The following OR9Q1 variants were observed in gnomAD, a reference collection of about 807,000 sequenced individuals.
OR9Q1 encodes the protein olfactory receptor 9Q1.
For missense variants in OR9Q1, 374 were observed against 378.8 expected (o/e 0.99, Z 0.11); for synonymous variants, 153 against 148.6 (o/e 1.03, Z -0.22).
chr11:58,172,221 C>G (rs988910497), intron 2 of OR9Q1, among the ~76,000 whole-genome samples: 1 of 152,178 alleles, frequency 6.6e-6, no homozygotes, highest in African/African-American at 2.4e-5. Context: ...AAATGCATGG[C>G]ATATTCCCTG....
chr11:58,113,531 A>T (rs1292516100), intron 2 of OR9Q1, among the ~76,000 whole-genome samples: 2 of 152,172 alleles, frequency 1.3e-5, no homozygotes, highest in African/African-American at 4.8e-5. Flanking sequence ...TTATCTTCTC[A>T]AAAGGTTCTT....
In OR9Q1 at chr11:58,085,086, G is replaced by A. The variant is rs76882513; in HGVS notation, c.-15+29139G>A. Among the ~76,000 whole-genome samples the A allele has an allele frequency of 7.2e-4, 110 of 151,952 alleles. 3 individuals carry two copies. Among genetic ancestry groups the A allele is most frequent in the African/African-American group, 2.6e-3 (106 of 41,272 alleles). On this transcript the variant is annotated intron_variant, in intron 2 of 2. Transcript: ENST00000335397. ...AATAAAACAATGTAAGTCCATGTAC[G>A]TTAAAGCAAATCACCTTGTATTGAT...
intron 2 of OR9Q1, among the ~76,000 whole-genome samples, chr11:58,140,032 G>T (rs1032080455): frequency 3.3e-5 from 5 of 152,010 alleles, no homozygotes; most frequent in Non-Finnish European, 7.4e-5. Context: ...TTCTCTGATG[G>T]CCAATGATGA....
chr11:58,075,460 T>C (rs1853530664), intron 2 of OR9Q1: 1 of 152,206 alleles, frequency 6.6e-6, no homozygotes. Context: ...AATCCATACA[T>C]TGAAACCTGA....
chr11:58,176,407 C>A (rs928171870), intron 2 of OR9Q1, among the ~76,000 whole-genome samples: 5 of 152,138 alleles, frequency 3.3e-5, no homozygotes, highest in Admixed American at 3.3e-4. Context: ...ATTGCCTTTC[C>A]TTAGAGAACA....
chr11:58,076,426 GCT>G (rs1285044805), intron 2 of OR9Q1, among the ~76,000 whole-genome samples: 1 of 152,108 alleles, frequency 6.6e-6, no homozygotes, highest in Non-Finnish European at 1.5e-5. Context: ...TTCCTGGCTA[GCT>G]GTCAGCCAGG....
At chr11:58,170,858 A>ATGTCTTTATCAGCAGCATGAAAG (rs2119947404) in intron 2 of OR9Q1, among the ~76,000 whole-genome samples, 1 of 152,274 alleles carries the variant, frequency 6.6e-6, no homozygotes, top group South Asian at 2.1e-4. Context: ...GGTCTTAGGT[A>ATGTCTTTATCAGCAGCATGAAAG]TGTCTTTATC....
chr11:58,154,131 G>A (rs1854381695), intron 2 of OR9Q1, among the ~76,000 whole-genome samples: 1 of 150,680 alleles, frequency 6.6e-6, no homozygotes, highest in Admixed American at 6.6e-5. Flanking sequence ...AGGAGGAGGA[G>A]GAGGAAGTTG....
At chr11:58,054,697 C>T (rs993005961) in intron 1 of OR9Q1, among the ~76,000 whole-genome samples, 3 of 111,406 alleles carry the variant, frequency 2.7e-5, no homozygotes, top group Admixed American at 1.1e-4. Flanking sequence ...CCGAGGTGGG[C>T]GGATCACTTG....
chr11:58,064,913 C>G (rs896988614), intron 2 of OR9Q1, among the ~76,000 whole-genome samples: 1 of 151,918 alleles, frequency 6.6e-6, no homozygotes, highest in African/African-American at 2.4e-5. Flanking sequence ...GATTTAGACA[C>G]ATACACACAC....
In OR9Q1 at chr11:58,102,192, GGTAA is replaced by G. The variant is rs775467158; in HGVS notation, c.-15+46248_-15+46251del. Among the ~76,000 whole-genome samples, 10 of 151,924 alleles carry G rather than the reference GGTAA, an allele frequency of 6.6e-5. No homozygotes were observed. In the South Asian group the frequency reaches 2.1e-3, roughly 31 times the overall value. ...TTCATTTACATTCAAGCTTACTATT[GGTAA>G]GTGAGGACTTCTGTCATTTTGTCAA... is the stretch of plus-strand genomic sequence containing the variant. On this transcript the variant is annotated intron_variant, in intron 2 of 2. Transcript: ENST00000335397.
chr11:58,145,541 T>C (rs558004330), intron 2 of OR9Q1: 1 of 152,222 alleles, frequency 6.6e-6, no homozygotes, highest in South Asian at 2.1e-4. Context: ...GCAGAAAAAG[T>C]TGGATTTGGG....
intron 2 of OR9Q1, among the ~76,000 whole-genome samples, chr11:58,143,722 G>A (rs1189900125): frequency 2.0e-5 from 3 of 151,996 alleles, no homozygotes; most frequent in African/African-American, 7.3e-5. Flanking sequence ...AGGCGGGGGG[G>A]TGGCATTAGG....
At chr11:58,073,204 AT>A in intron 2 of OR9Q1, 1 of 232,160 alleles carries the variant, frequency 4.3e-6, no homozygotes, top group South Asian at 7.8e-5. Context: ...CCATGCTTGT[AT>A]TTCCAATAAA....
At chr11:58,160,174 C>CTT (rs1854444446) in intron 2 of OR9Q1, among the ~76,000 whole-genome samples, 1 of 152,202 alleles carries the variant, frequency 6.6e-6, no homozygotes, top group African/African-American at 2.4e-5. Context: ...GCAGCACCAA[C>CTT]TTTTAGACAT....
At chr11:58,044,174 C>A (rs1853193815) in intron 1 of OR9Q1, 1 of 152,184 alleles carries the variant, frequency 6.6e-6, no homozygotes, top group African/African-American at 2.4e-5. Context: ...AGGAAGGTCA[C>A]ATTGACATCT....
chr11:58,031,289 G>A lies in OR9Q1; in HGVS notation c.-93+7185G>A, dbSNP rs1456964346. The A allele has an allele frequency of 1.1e-5, 18 of 1,613,988 alleles. No individual in the cohort carries two copies. Among genetic ancestry groups the A allele is most frequent in the African/African-American group, 4.0e-5 (3 of 74,890 alleles). ...GCTCTTCATCTTCACCTTTCTTGGGGCAACTGAGTGTTTCCTACTGGCTGC... is the reference window on the plus strand; with the variant it reads ...GCTCTTCATCTTCACCTTTCTTGGGACAACTGAGTGTTTCCTACTGGCTGC... On this transcript the variant is annotated intron_variant, in intron 1 of 2. Coordinates refer to ENST00000335397, the MANE Select transcript of OR9Q1 (RefSeq NM_001005212.4).
intron 2 of OR9Q1, among the ~76,000 whole-genome samples, chr11:58,147,638 C>T (rs1191863609): frequency 1.3e-5 from 2 of 151,974 alleles, no homozygotes; most frequent in South Asian, 2.1e-4. Context: ...TATACAATTG[C>T]CTTATGTATG....
chr11:58,176,558 A>T (rs992783497), intron 2 of OR9Q1, among the ~76,000 whole-genome samples: 1 of 152,232 alleles, frequency 6.6e-6, no homozygotes, highest in African/African-American at 2.4e-5. Context: ...TTGAACAAAA[A>T]CCAGTGAAGA....
Sources: allele counts gnomAD v4.1 joint callset (sites outside exome capture counted in the v4.1 genomes callset), GRCh38; gene constraint gnomAD v4.1.1; transcripts MANE v1.5; gene names NCBI Gene and HGNC (gene_info 2026-07-23, HGNC 2026-07-21).